The following SHBG variants were observed in gnomAD, a reference collection of about 807,000 sequenced individuals.
The protein encoded by SHBG is sex hormone binding globulin.
In SHBG, 37 loss-of-function variants were observed where a neutral mutation model predicts 41.9. That is an observed-to-expected ratio of 0.88 (90% CI 0.68 to 1.16). The LOEUF (loss-of-function observed/expected upper bound fraction) is 1.16. SHBG is among the 50% of genes most tolerant of loss of function. The pLI, the probability that SHBG is intolerant of heterozygous loss-of-function variation, is 0.00. For synonymous variants in SHBG, 217 were observed against 205.8 expected (o/e 1.05, Z -0.47); for missense variants, 466 against 499.9 (o/e 0.93, Z 0.65).
At chr17:7,620,044 T>TCGTG (rs2072062260) in intron 1 of SHBG, among the ~76,000 whole-genome samples, 1 of 150,310 alleles carries the variant, frequency 6.7e-6, no homozygotes, top group African/African-American at 2.5e-5. Flanking sequence ...TGAGCTATGA[T>TCGTG]CGTGCCACTG....
rs1347323505 is a variant in SHBG, at chr17:7,631,372, C to T, written c.555+11C>T. On this transcript the variant is annotated intron_variant, in intron 4 of 7. Coordinates refer to ENST00000380450, the MANE Select transcript of SHBG (RefSeq NM_001040.5). ...AACCTTCGGTTGCCGGTAACTACACCCCAGGGGTGGAACCCTAGCCAAGAC... is the reference window on the plus strand; with the variant it reads ...AACCTTCGGTTGCCGGTAACTACACTCCAGGGGTGGAACCCTAGCCAAGAC... 6.2e-7 allele frequency: 1 copy of T among 1,611,340 alleles called. No homozygotes were observed. Among genetic ancestry groups the T allele is most frequent in the Non-Finnish European group, 8.5e-7 (1 of 1,179,066 alleles).
At chr17:7,624,094 G>GTC, upstream of SHBG, among the ~76,000 whole-genome samples, 2 of 151,786 alleles carry the variant, frequency 1.3e-5, no homozygotes, top group Non-Finnish European at 2.9e-5. Flanking sequence ...TGGGATTACA[G>GTC]GCTTGCACCA....
intron 1 of SHBG, chr17:7,614,462 GC>G: frequency 6.5e-7 from 1 of 1,539,452 alleles, no homozygotes. Context: ...CTTGTAGAAG[GC>G]CCCGTTGGAG....
chr17:7,623,444 A>G (rs1020578792), upstream of SHBG, among the ~76,000 whole-genome samples: 3 of 152,152 alleles, frequency 2.0e-5, no homozygotes, highest in Non-Finnish European at 4.4e-5. Flanking sequence ...ATACTCTTTT[A>G]TCTTCTGCAT....
At chr17:7,621,630 T>A (rs1442986472) in intron 1 of SHBG, among the ~76,000 whole-genome samples, 14 of 141,356 alleles carry the variant, frequency 9.9e-5, no homozygotes, top group African/African-American at 3.4e-4. Context: ...AAAAACCAGC[T>A]GCATAAACTG....
chr17:7,624,151 C>T (rs912418687), upstream of SHBG, among the ~76,000 whole-genome samples: 3 of 152,066 alleles, frequency 2.0e-5, no homozygotes, highest in African/African-American at 7.2e-5. Flanking sequence ...AGGGTTTCAC[C>T]CTGTTCGCCA....
intron 1 of SHBG, among the ~76,000 whole-genome samples, chr17:7,616,011 CA>C (rs1441610644): frequency 6.7e-6 from 1 of 149,876 alleles, no homozygotes; most frequent in Non-Finnish European, 1.5e-5. Context: ...ACTAAAAATA[CA>C]AAAATTAGGA....
chr17:7,629,396 T>TAAAAC (rs2072327490), upstream of SHBG, among the ~76,000 whole-genome samples: 1 of 151,468 alleles, frequency 6.6e-6, no homozygotes, highest in South Asian at 2.1e-4. Flanking sequence ...TAAAATAAAA[T>TAAAAC]AAAATAAAAT....
chr17:7,616,451 C>CAA (rs71159512), intron 1 of SHBG, among the ~76,000 whole-genome samples: 2 of 101,522 alleles, frequency 2.0e-5, no homozygotes, highest in African/African-American at 4.7e-5. Context: ...ACTAAAAATA[C>CAA]AAAAAAAAAA....
Position 7,630,548 on chromosome 17 carries a change from T to C in SHBG, c.203+41T>C. The C allele has an allele frequency of 6.3e-7, 1 of 1,577,208 alleles. No individual in the cohort carries two copies. Among genetic ancestry groups the C allele is most frequent in the Non-Finnish European group, 8.7e-7 (1 of 1,146,482 alleles). On this transcript the variant is annotated intron_variant, in intron 2 of 7. Transcript: ENST00000380450. The surrounding 1 kb of genome is among the most constrained non-coding windows in gnomAD (Gnocchi z 4.6). ...AGCCCTTGACCCAGTCCCCTGGTTCTGCCCTCTCTCCATCAGCTCTTCTCT... is the reference window on the plus strand; with the variant it reads ...AGCCCTTGACCCAGTCCCCTGGTTCCGCCCTCTCTCCATCAGCTCTTCTCT...
chr17:7,631,127 C>T, intron 3 of SHBG, 73 bp from the exon 4 acceptor site: 4 of 1,420,220 alleles, frequency 2.8e-6, no homozygotes, highest in Non-Finnish European at 3.8e-6. Flanking sequence ...CACTATAGTA[C>T]TAGGCTGCCT....
At chr17:7,627,543 CCCGGGTTACCGG>C (rs1405883639), upstream of SHBG, 2 of 1,606,748 alleles carry the variant, frequency 1.2e-6, no homozygotes, top group African/African-American at 2.7e-5. The surrounding 1 kb of genome is among the most constrained non-coding windows in gnomAD (Gnocchi z 4.8). Flanking sequence ...CACTCTGACC[CCCGGGTTACCGG>C]CCTGCAGTCT....
At chr17:7,627,252 GAGAT>G, upstream of SHBG, 1 of 1,613,802 alleles carries the variant, frequency 6.2e-7, no homozygotes, top group Non-Finnish European at 8.5e-7. This position sits in a 1 kb window ranked among gnomAD's most constrained non-coding sequence, Gnocchi z 4.8. Context: ...TTGTGACAAA[GAGAT>G]AGAGAAAGAG....
At chr17:7,619,329 G>A (rs2072048383) in intron 1 of SHBG, among the ~76,000 whole-genome samples, 1 of 151,400 alleles carries the variant, frequency 6.6e-6, no homozygotes, top group Non-Finnish European at 1.5e-5. Context: ...GGCAGAGGTT[G>A]CAGTGAGCCA....
chr17:7,616,862 G>T (rs994624274), intron 1 of SHBG, among the ~76,000 whole-genome samples: 2 of 152,146 alleles, frequency 1.3e-5, no homozygotes, highest in African/African-American at 2.4e-5. Context: ...CTTGAACCTG[G>T]GAGGCAGAGG....
At chr17:7,615,261 A>G (rs1597888278) in intron 1 of SHBG, among the ~76,000 whole-genome samples, 1 of 151,966 alleles carries the variant, frequency 6.6e-6, no homozygotes, top group African/African-American at 2.4e-5. Flanking sequence ...GGGCTTGGAC[A>G]AGTTAGGGAT....
rs1175800619 is a variant in SHBG, at chr17:7,615,343, G to GA, written c.-62+1242dup. ...TTTCTTGGTGCGCACGCTCCAAAAA[G>GA]AAAAAAAAAAGAAGAGGAGTCGCCG... On this transcript the variant is annotated intron_variant, in intron 1 of 5. Transcript: ENST00000570547. Among the ~76,000 whole-genome samples, 9 of 148,400 alleles carry GA rather than the reference G, an allele frequency of 6.1e-5. No homozygotes were observed. In the South Asian group the frequency reaches 6.4e-4, roughly 11 times the overall value.
At chr17:7,623,703 A>G (rs565422915), upstream of SHBG, among the ~76,000 whole-genome samples, 1 of 151,462 alleles carries the variant, frequency 6.6e-6, no homozygotes, top group African/African-American at 2.4e-5. Context: ...CTATTGATCT[A>G]CCCACCTTGG....
At chr17:7,619,639 G>A (rs1166059323) in intron 1 of SHBG, among the ~76,000 whole-genome samples, 2 of 150,118 alleles carry the variant, frequency 1.3e-5, no homozygotes, top group African/African-American at 4.9e-5. Flanking sequence ...CCGGGAGGCA[G>A]AGGTTGCCTC....
Sources: gnomAD v4.1 joint callset for allele counts (sites outside exome capture counted in the v4.1 genomes callset) on GRCh38, gnomAD v4.1.1 for gene constraint, Gnocchi (gnomAD v3.1) non-coding constraint, MANE v1.5 for transcripts, NCBI Gene and HGNC (gene_info 2026-07-23, HGNC 2026-07-21) for gene names.